The following LITAF variants were observed in gnomAD, a reference collection of about 807,000 sequenced individuals.
LITAF encodes lipopolysaccharide-induced tumor necrosis factor-alpha factor.
LITAF carries 9 observed loss-of-function variants against 14.5 expected under a neutral mutation model. The ratio of observed to expected loss-of-function variants is 0.62; its 90% CI spans 0.37 to 1.08. The LOEUF (loss-of-function observed/expected upper bound fraction) is 1.08. Ranked by LOEUF, LITAF falls within the 50% of genes least tolerant of loss-of-function variation. The pLI is 0.01. For missense variants in LITAF, 206 were observed against 213.4 expected, an observed-to-expected ratio of 0.97 and a Z score of 0.22; for synonymous variants, 98 against 88.2, an observed-to-expected ratio of 1.11 and a Z score of -0.62.
chr16:11,549,473 G>C lies in LITAF; in HGVS notation c.*164C>G, dbSNP rs2064151287. ...TCCAAGCAGCAATTTCTGGGGTTTG[G>C]AGATTTGTTAGTTTTGCGACGTATT... On this transcript the variant is annotated 3_prime_UTR_variant, in exon 4 of 4. Coordinates refer to ENST00000622633, the MANE Select transcript of LITAF (RefSeq NM_001136472.2). The surrounding 1 kb of genome is among the most constrained non-coding windows in gnomAD (Gnocchi z 4.6). 1 of 678,582 alleles carries C rather than the reference G, an allele frequency of 1.5e-6. No homozygotes were observed. The highest frequency in any genetic ancestry group is 2.7e-6 in the Non-Finnish European group (1 of 370,222). The allele number at this position is 678,582 out of a possible 1,614,324, so 42.0% of individuals were successfully genotyped here.
chr16:11,620,417 C>A (rs1430237540), intron 3 of LITAF, among the ~76,000 whole-genome samples: 2 of 152,118 alleles, frequency 1.3e-5, no homozygotes, highest in African/African-American at 4.8e-5. Flanking sequence ...GTTCCCCCTT[C>A]GCCTTCCACC....
chr16:11,632,670 G>A lies in LITAF; in HGVS notation c.85+863C>T, dbSNP rs995707289. Reference sequence around the variant, plus strand: ...GGAAGAACTGATGGCTGGACCCCAGGCCCAAGGCAGATGCCACCCAGGCCC... The same window carrying A: ...GGAAGAACTGATGGCTGGACCCCAGACCCAAGGCAGATGCCACCCAGGCCC... On this transcript the variant is annotated intron_variant, in intron 3 of 3. Coordinates refer to the LITAF transcript ENST00000574848. The surrounding 1 kb of genome is among the most constrained non-coding windows in gnomAD (Gnocchi z 4.8). 6.6e-6 allele frequency among the ~76,000 whole-genome samples: 1 copy of A among 152,188 alleles called. No individual in the cohort carries two copies. Among genetic ancestry groups the A allele is most frequent in the Non-Finnish European group, 1.5e-5 (1 of 68,024 alleles).
At chr16:11,611,559 A>C (rs1476567433) in intron 3 of LITAF, among the ~76,000 whole-genome samples, 1 of 151,956 alleles carries the variant, frequency 6.6e-6, no homozygotes, top group Non-Finnish European at 1.5e-5. Flanking sequence ...ACTTTTTACC[A>C]CCTACTATTG....
At chr16:11,565,847 AGCCCTCTCTGCTT>A (rs1250718781) in intron 1 of LITAF, among the ~76,000 whole-genome samples, 2 of 151,020 alleles carry the variant, frequency 1.3e-5, no homozygotes, top group Non-Finnish European at 2.9e-5. Flanking sequence ...TCCTCCAAGA[AGCCCTCTCTGCTT>A]GCCCCCGGGA....
Position 11,632,058 on chromosome 16 carries a change from G to A in LITAF, c.85+1475C>T, listed in dbSNP as rs1246529156. The stretch of plus-strand genomic sequence containing the variant: ...ATTTTTTTGTCTTTTTAGTAGAGAC[G>A]GGGTTTCACCGTGTTAACCAGGATG... On this transcript the variant is annotated intron_variant, in intron 3 of 3. Coordinates refer to the LITAF transcript ENST00000574848. This position sits in a 1 kb window ranked among gnomAD's most constrained non-coding sequence, Gnocchi z 4.8. Among the ~76,000 whole-genome samples the A allele has an allele frequency of 3.3e-5, 5 of 151,878 alleles. No homozygotes were observed. The highest frequency in any genetic ancestry group is 2.0e-4 in the East Asian group (1 of 5,126).
chr16:11,627,528 C>T (rs1043475839), intron 3 of LITAF, among the ~76,000 whole-genome samples: 7 of 152,228 alleles, frequency 4.6e-5, no homozygotes, highest in African/African-American at 1.7e-4. Flanking sequence ...TGCTATTCAT[C>T]CTGACTAATG....
chr16:11,574,706 A>G (rs2064602595), intron 1 of LITAF, among the ~76,000 whole-genome samples: 1 of 152,058 alleles, frequency 6.6e-6, no homozygotes, highest in South Asian at 2.1e-4. Context: ...TAAAGCTTCT[A>G]ATTATTTCTA....
intron 3 of LITAF, among the ~76,000 whole-genome samples, chr16:11,607,116 G>A (rs116757431): frequency 0.026 from 3,934 of 152,272 alleles, 196 homozygotes; most frequent in African/African-American, 0.09. Context: ...AGCTTCCACT[G>A]CTATTCTGAA....
upstream of LITAF, among the ~76,000 whole-genome samples, chr16:11,588,396 A>G (rs1597362212): frequency 6.6e-6 from 1 of 152,054 alleles, no homozygotes; most frequent in East Asian, 1.9e-4. Flanking sequence ...CCAGCTACTC[A>G]GGAGGCTGAG....
chr16:11,550,385 C>T (rs950900218), intron 3 of LITAF, among the ~76,000 whole-genome samples: 36 of 152,126 alleles, frequency 2.4e-4, no homozygotes, highest in African/African-American at 7.2e-4. Context: ...CCACCACACC[C>T]GGCCCCTGCT....
intron 3 of LITAF, among the ~76,000 whole-genome samples, chr16:11,550,437 G>A (rs1347038269): frequency 1.3e-5 from 2 of 152,112 alleles, no homozygotes; most frequent in Non-Finnish European, 2.9e-5. Context: ...AATTGTGAGA[G>A]TTAATATCTG....
chr16:11,625,122 T>C (rs559286416), intron 3 of LITAF, among the ~76,000 whole-genome samples: 36 of 152,212 alleles, frequency 2.4e-4, no homozygotes, highest in African/African-American at 8.4e-4. Context: ...TTCCTCCCCA[T>C]GTGGTTCTGG....
chr16:11,625,415 A>T (rs1180896048), intron 3 of LITAF, among the ~76,000 whole-genome samples: 5 of 151,950 alleles, frequency 3.3e-5, no homozygotes, highest in Admixed American at 3.3e-4. Flanking sequence ...GGCACGTACC[A>T]CCATGCCAGG....
chr16:11,591,655 T>A (rs13332947), upstream of LITAF, among the ~76,000 whole-genome samples: 14,415 of 152,284 alleles, frequency 0.095, 801 homozygotes, highest in Middle Eastern at 0.13. Flanking sequence ...AGTCTTTTTT[T>A]TTTGAGACAG....
chr16:11,622,156 C>T (rs2065054693), intron 3 of LITAF, among the ~76,000 whole-genome samples: 1 of 152,204 alleles, frequency 6.6e-6, no homozygotes, highest in Non-Finnish European at 1.5e-5. Flanking sequence ...CCCTGGCAGC[C>T]TGGTGGGGAC....
chr16:11,584,424 T>C (rs561531296), intron 1 of LITAF: 1 of 152,314 alleles, frequency 6.6e-6, no homozygotes, highest in East Asian at 1.9e-4. Context: ...ATGGGTAATG[T>C]CAGCAAAATA....
intron 1 of LITAF, among the ~76,000 whole-genome samples, chr16:11,575,083 G>A (rs370959620): frequency 8.5e-5 from 13 of 152,244 alleles, no homozygotes; most frequent in African/African-American, 2.6e-4. Flanking sequence ...CATTACAGGC[G>A]TGAGCCACTG....
chr16:11,636,484 C>T (rs1417452205), upstream of LITAF: 2 of 152,270 alleles, frequency 1.3e-5, no homozygotes, highest in South Asian at 4.1e-4. Flanking sequence ...ATTTGCATAG[C>T]ACGTGAAGAA....
upstream of LITAF, among the ~76,000 whole-genome samples, chr16:11,602,889 T>C (rs752795537): frequency 1.8e-4 from 27 of 151,878 alleles, no homozygotes; most frequent in Non-Finnish European, 3.7e-4. Context: ...GGTGGGAGGA[T>C]TGCTCGAGGC....
Sources: gnomAD v4.1 joint callset for allele counts (sites outside exome capture counted in the v4.1 genomes callset) on GRCh38, gnomAD v4.1.1 for gene constraint, Gnocchi (gnomAD v3.1) non-coding constraint, MANE v1.5 for transcripts, NCBI Gene and HGNC (gene_info 2026-07-23, HGNC 2026-07-21) for gene names.